Variants in REXO1 observed in about 807,000 individuals in gnomAD.
REXO1 encodes RNA exonuclease 1 homolog.
A neutral mutation model predicts 102.6 loss-of-function variants in REXO1; 42 were observed. The ratio of observed to expected loss-of-function variants is 0.41; its 90% CI spans 0.32 to 0.53. The LOEUF (loss-of-function observed/expected upper bound fraction) is 0.53, where lower values mean the gene tolerates loss of function less well. Ranked by LOEUF, REXO1 falls within the 20% of genes least tolerant of loss-of-function variation. The pLI is 0.27. For missense variants in REXO1, 1,819 were observed against 1,732.5 expected, an observed-to-expected ratio of 1.05 and a Z score of -0.89; for synonymous variants, 908 against 779.1, an observed-to-expected ratio of 1.17 and a Z score of -2.76.
chr19:1,832,641 A>G (rs921885849), intron 1 of REXO1, among the ~76,000 whole-genome samples: 1 of 150,952 alleles, frequency 6.6e-6, no homozygotes, highest in Non-Finnish European at 1.5e-5. Flanking sequence ...CTGTCATCCC[A>G]GGCACGGTGG....
In REXO1 at chr19:1,827,593, G is replaced by A; in HGVS notation, c.1196C>T (p.Thr399Ile). The change falls in exon 2 of 16, where the codon ACC becomes ATC. Residue 399 changes from threonine (T) to isoleucine (I), a missense_variant. Coordinates refer to ENST00000170168, the MANE Select transcript of REXO1 (RefSeq NM_020695.4). ...AGGCCGCCCTCGGCCCTTGTCCTTG[G>A]TCTTGTCCTTCCCCTGGGCCCCGTC... ...CKDGAQGKDK[T>I]KDKGRGRPVE... 2 of 1,589,776 alleles carry A rather than the reference G, an allele frequency of 1.3e-6. No homozygotes were observed. The highest frequency in any genetic ancestry group is 8.5e-7 in the Non-Finnish European group (1 of 1,175,456).
chr19:1,825,379 C>A (rs1205718175), intron 3 of REXO1, among the ~76,000 whole-genome samples: 1 of 150,690 alleles, frequency 6.6e-6, no homozygotes, highest in Non-Finnish European at 1.5e-5. Context: ...CAGTGGCTCA[C>A]GCCTGTAATC....
intron 1 of REXO1, among the ~76,000 whole-genome samples, chr19:1,829,818 A>C (rs2069855560): frequency 6.6e-6 from 1 of 152,160 alleles, no homozygotes; most frequent in African/African-American, 2.4e-5. Context: ...CAACAAAAAA[A>C]AATTTGTAGA....
In REXO1 at chr19:1,816,074, T is replaced by C; in HGVS notation, c.3658A>G (p.Lys1220Glu). The C allele has an allele frequency of 1.3e-6, 2 of 1,544,688 alleles. No individual in the cohort carries two copies. Among genetic ancestry groups the C allele is most frequent in the Non-Finnish European group, 1.7e-6 (2 of 1,146,926 alleles). The change falls in exon 16 of 16, where the codon AAG becomes GAG. Residue 1220 changes from lysine to glutamate, a missense_variant. Coordinates refer to ENST00000170168, the MANE Select transcript of REXO1 (RefSeq NM_020695.4). ...IWKVREDAKT[K>E]R Reference sequence around the variant, plus strand: ...TGGGAGGCGGGCAGGCGTCATCGCTTGGTCTTGGCGTCTTCTCGAACCTTC... The same window carrying C: ...TGGGAGGCGGGCAGGCGTCATCGCTCGGTCTTGGCGTCTTCTCGAACCTTC...
chr19:1,835,982 G>A (rs553458074), intron 1 of REXO1, among the ~76,000 whole-genome samples: 36 of 152,322 alleles, frequency 2.4e-4, no homozygotes, highest in African/African-American at 7.9e-4. Context: ...CTGCAGCCCC[G>A]GGACGGGCTG....
At chr19:1,835,021 T>C (rs1411373275) in intron 1 of REXO1, 1 of 411,056 alleles carries the variant, frequency 2.4e-6, no homozygotes, top group South Asian at 1.7e-5. Flanking sequence ...ACACAGGAAG[T>C]TGCCTGGGGC....
rs564664558 is a variant in REXO1, at chr19:1,823,700, G to A, written c.2102C>T (p.Ala701Val). Residue 701 changes from alanine (A) to valine (V), a missense_variant, in exon 4 of 16, where the codon GCG becomes GTG. By Grantham distance (64) the Ala-to-Val change is moderately conservative (BLOSUM62 0). Transcript: ENST00000170168. The stretch of plus-strand genomic sequence containing the variant: ...CAGCAAGCTCGCCGATGCCCTCTGC[G>A]CCTGCTGGGCCCGCAGGTAGCACAC... ...QEVCYLRAQQ[A>V]QRASASLLQA... is the part of the protein sequence containing the mutation. The A allele has an allele frequency of 7.4e-5, 95 of 1,277,262 alleles. No homozygotes were observed. Among genetic ancestry groups the A allele is most frequent in the South Asian group, 5.3e-4 (16 of 30,092 alleles). 79.1% of individuals were successfully genotyped at this position (1,277,262 alleles called of 1,614,324 possible). A position where few individuals can be genotyped will look rare whatever the true frequency, so the allele number is the denominator to read the frequency against.
At position 1,827,182 on chromosome 19, in the gene REXO1, G is replaced by A. The variant is rs765275753; in HGVS notation, c.1607C>T (p.Pro536Leu). Residue 536 changes from proline (P) to leucine (L), a missense_variant, in exon 2 of 16, where the codon CCG becomes CTG. By Grantham distance (98) the Pro-to-Leu change is moderately conservative (BLOSUM62 -3). Coordinates refer to ENST00000170168, the MANE Select transcript of REXO1 (RefSeq NM_020695.4). ...SEDEAAGPGV[P>L]SVWPSALPSL... Reference sequence around the variant, plus strand: ...GGGGAGGGCAGAGGGCCACACGCTCGGCACCCCTGGCCCTGCGGCCTCGTC... The same window carrying A: ...GGGGAGGGCAGAGGGCCACACGCTCAGCACCCCTGGCCCTGCGGCCTCGTC... 3.9e-5 allele frequency: 60 copies of A among 1,540,772 alleles called. No individual in the cohort carries two copies. The highest frequency in any genetic ancestry group is 7.9e-5 in the Admixed American group (4 of 50,902).
Position 1,825,442 on chromosome 19 carries a change from A to G in REXO1, c.2016+397T>C, listed in dbSNP as rs570354840. The stretch of plus-strand genomic sequence containing the variant: ...ATCACTTGAGGTCAGGAGTTGGAAG[A>G]CCAGCCTGGGTGACAAAGCAAGACC... On this transcript the variant is annotated intron_variant, in intron 3 of 15. Coordinates refer to ENST00000170168, the MANE Select transcript of REXO1 (RefSeq NM_020695.4). Among the ~76,000 whole-genome samples the G allele has an allele frequency of 8.7e-4, 131 of 151,128 alleles. 1 individual carries two copies. Among genetic ancestry groups the G allele is most frequent in the African/African-American group, 3.1e-3 (127 of 41,190 alleles).
chr19:1,832,352 G>C (rs1428008472), intron 1 of REXO1, among the ~76,000 whole-genome samples: 1 of 152,198 alleles, frequency 6.6e-6, no homozygotes, highest in Non-Finnish European at 1.5e-5. Context: ...AGGCCCACGG[G>C]GACGAATGCA....
intron 1 of REXO1, among the ~76,000 whole-genome samples, chr19:1,837,591 AC>A (rs886096396): frequency 6.6e-6 from 1 of 151,928 alleles, no homozygotes; most frequent in African/African-American, 2.4e-5. Context: ...GCTCTGCCCC[AC>A]CCCCCACACC....
chr19:1,827,724 C>G lies in REXO1; in HGVS notation c.1065G>C (p.Lys355Asn). The part of the protein sequence containing the change: ...DVGDLQPPPA[K>N]PASPAQVQSS... ...ACTGGACCTGGGCTGGGGAGGCGGG[C>G]TTGGCTGGGGGCGGCTGGAGGTCCC... The change falls in exon 2 of 16, where the codon AAG (lysine) becomes AAC (asparagine). Residue 355 changes from lysine (K) to asparagine (N), a missense_variant. Physicochemically the swap from Lys to Asn is moderately conservative, Grantham distance 94. Transcript: ENST00000170168. 6.4e-7 allele frequency: 1 copy of G among 1,570,428 alleles called. No homozygotes were observed. The highest frequency in any genetic ancestry group is 8.6e-7 in the Non-Finnish European group (1 of 1,169,052).
chr19:1,828,657 T>G, intron 1 of REXO1, 26 bp from the exon 2 acceptor site: 1 of 1,568,780 alleles, frequency 6.4e-7, no homozygotes, highest in Admixed American at 1.8e-5. Context: ...AGCACAGCTG[T>G]GACCAGCCTG....
intron 1 of REXO1, among the ~76,000 whole-genome samples, chr19:1,846,328 C>T (rs887120497): frequency 8.5e-5 from 13 of 152,168 alleles, no homozygotes; most frequent in African/African-American, 2.9e-4. Context: ...GAAACCTCAC[C>T]GCAAGGAAGA....
In REXO1 at chr19:1,826,982, C is replaced by T. The variant is rs2069744825; in HGVS notation, c.1807G>A (p.Glu603Lys). The change falls in exon 2 of 16, where the codon GAG (glutamate) becomes AAG (lysine). Residue 603 changes from glutamate to lysine, a missense_variant. Transcript: ENST00000170168. The surrounding 1 kb of genome is among the most constrained non-coding windows in gnomAD (Gnocchi z 4.3). ...TCGGAGTCAAAGTCCACCTCCTTCT[C>T]CAGGGCCGAGTAGTCCACATCCGCC... is the stretch of plus-strand genomic sequence containing the variant. ...AGADVDYSAL[E>K]KEVDFDSDPM... 1 of 1,562,914 alleles carries T rather than the reference C, an allele frequency of 6.4e-7. No individual in the cohort carries two copies. The highest frequency in any genetic ancestry group is 1.4e-5 in the African/African-American group (1 of 73,284).
intron 1 of REXO1, among the ~76,000 whole-genome samples, chr19:1,835,968 T>C (rs1165873435): frequency 6.6e-6 from 1 of 152,210 alleles, no homozygotes; most frequent in Middle Eastern, 3.2e-3. Context: ...CTGAGACCAG[T>C]GCCCTGCAGC....
Position 1,817,784 on chromosome 19 carries a change from C to G in REXO1, c.3017-4G>C. The G allele has an allele frequency of 6.2e-7, 1 of 1,611,124 alleles. No individual in the cohort carries two copies. Among genetic ancestry groups the G allele is most frequent in the Non-Finnish European group, 8.5e-7 (1 of 1,179,144 alleles). Reference sequence around the variant, plus strand: ...TGGGTCTCCCAGCCTCCGGCCACTGCAGGGGACACAGACACACAGTCAGGG... The same window carrying G: ...TGGGTCTCCCAGCCTCCGGCCACTGGAGGGGACACAGACACACAGTCAGGG... On this transcript the variant is annotated splice_polypyrimidine_tract_variant and splice_region_variant and intron_variant, in intron 10 of 15. Coordinates refer to ENST00000170168, the MANE Select transcript of REXO1 (RefSeq NM_020695.4).
rs765055560 is a variant in REXO1, at chr19:1,823,618, G to C, written c.2184C>G (p.Gly728=). The part of the protein sequence containing the change: ...KSPSVHISAP[G]EKRRIAHIPN... ...GGATGTGGGCGATCCTCCTCTTCTC[G>C]CCAGGGGCGGAAATGTGGACGGAGG... Residue 728 remains glycine (G), a synonymous_variant, in exon 4 of 16, where the codon GGC becomes GGG. Transcript: ENST00000170168. The C allele has an allele frequency of 7.6e-6, 10 of 1,321,044 alleles. No homozygotes were observed. Among genetic ancestry groups the C allele is most frequent in the Non-Finnish European group, 9.7e-6 (10 of 1,026,914 alleles). 81.8% of individuals were successfully genotyped at this position (1,321,044 alleles called of 1,614,324 possible).
At chr19:1,835,033 C>T (rs976763146) in intron 1 of REXO1, 6 of 396,022 alleles carry the variant, frequency 1.5e-5, no homozygotes, top group Middle Eastern at 4.5e-4. Context: ...GCCTGGGGCT[C>T]GGCCATGGCT....
Sources: gnomAD v4.1 joint callset for allele counts (sites outside exome capture counted in the v4.1 genomes callset) on GRCh38, gnomAD v4.1.1 for gene constraint, Gnocchi (gnomAD v3.1) non-coding constraint, MANE v1.5 for transcripts, NCBI Gene and HGNC (gene_info 2026-07-23, HGNC 2026-07-21) for gene names.